The following MAGI1 variants were observed in gnomAD, a reference collection of about 807,000 sequenced individuals.
The protein encoded by MAGI1 is membrane associated guanylate kinase, WW and PDZ domain containing 1.
MAGI1 carries 58 observed loss-of-function variants against 139.9 expected under a neutral mutation model. That is an observed-to-expected ratio of 0.41 (90% confidence interval 0.34 to 0.52). MAGI1 has a LOEUF of 0.52. Ranked by LOEUF, MAGI1 falls within the 20% of genes least tolerant of loss-of-function variation. The probability of loss-of-function intolerance (pLI) is 0.12; values close to 1 mark genes in which losing one functional copy is unlikely to be tolerated. For missense variants in MAGI1, 1,874 were observed against 1,901.6 expected, an observed-to-expected ratio of 0.99 and a Z score of 0.27; for synonymous variants, 812 against 737.9, an observed-to-expected ratio of 1.10 and a Z score of -1.63.
chr3:65,721,563 G>A (rs2033025911), intron 1 of MAGI1, among the ~76,000 whole-genome samples: 1 of 152,182 alleles, frequency 6.6e-6, no homozygotes. Flanking sequence ...TATTTTGGTA[G>A]ACAAAACTTA....
chr3:65,873,749 T>A (rs889716481), intron 1 of MAGI1: 16 of 152,110 alleles, frequency 1.1e-4, no homozygotes, highest in African/African-American at 3.9e-4. Context: ...CAACAAATGG[T>A]GCTGGGAAAA....
At chr3:65,431,227 G>T (rs2107347216) in intron 10 of MAGI1, among the ~76,000 whole-genome samples, 1 of 152,222 alleles carries the variant, frequency 6.6e-6, no homozygotes, top group East Asian at 1.9e-4. Context: ...AATGGAACTG[G>T]TCTGTTTTAT....
chr3:65,834,975 T>A (rs2042730667), intron 1 of MAGI1, among the ~76,000 whole-genome samples: 1 of 152,230 alleles, frequency 6.6e-6, no homozygotes, highest in Non-Finnish European at 1.5e-5. Context: ...CTATATTGTT[T>A]CATTTGAAGT....
At chr3:65,965,816 A>G (rs577717247) in intron 1 of MAGI1, among the ~76,000 whole-genome samples, 9 of 152,220 alleles carry the variant, frequency 5.9e-5, no homozygotes, top group African/African-American at 2.2e-4. Context: ...CACCATGCCC[A>G]GCTAATATTC....
At position 65,926,327 on chromosome 3, in the gene MAGI1, T is replaced by TTCTCTCTCTCTCTCTCTC. The variant is rs377665681; in HGVS notation, c.313+111651_313+111668dup. 1.1e-3 allele frequency among the ~76,000 whole-genome samples: 127 copies of TTCTCTCTCTCTCTCTCTC among 115,638 alleles called. 4 individuals are homozygous for TTCTCTCTCTCTCTCTCTC. The highest frequency in any genetic ancestry group is 7.3e-3 in the East Asian group (25 of 3,426). The allele number at this position is 115,638 out of a possible 152,430, so 75.9% of individuals were successfully genotyped here. A position where few individuals can be genotyped will look rare whatever the true frequency, so the allele number is the denominator to read the frequency against. On this transcript the variant is annotated intron_variant, in intron 1 of 22. Transcript: ENST00000402939. ...GAAGATCCAAGACTGAAGTCTTCTT[T>TTCTCTCTCTCTCTCTCTC]TCTCTCTCTCTCTCTCTCTCTCTCT...
At position 66,038,247 on chromosome 3, in the gene MAGI1, T is replaced by C. The variant is rs769918348; in HGVS notation, c.62A>G (p.Lys21Arg). The change falls in exon 1 of 23, where the codon AAG becomes AGG. Residue 21 changes from lysine (K) to arginine (R), a missense_variant. Coordinates refer to ENST00000402939, the MANE Select transcript of MAGI1 (RefSeq NM_001033057.2). ...WTSRVHECTV[K>R]RGPQGELGVT... ...CCCCAGCTCGCCCTGGGGTCCCCGCTTCACGGTGCATTCGTGAACCCTGCT... is the reference window on the plus strand; with the variant it reads ...CCCCAGCTCGCCCTGGGGTCCCCGCCTCACGGTGCATTCGTGAACCCTGCT... The C allele has an allele frequency of 6.2e-7, 1 of 1,611,190 alleles. No individual in the cohort carries two copies. The highest frequency in any genetic ancestry group is 8.5e-7 in the Non-Finnish European group (1 of 1,179,152).
intron 1 of MAGI1, among the ~76,000 whole-genome samples, chr3:65,785,024 AAAATT>A (rs10612279): frequency 0.45 from 67,649 of 151,468 alleles, 15,338 homozygotes; most frequent in Admixed American, 0.58. Flanking sequence ...GAAATGTTCT[AAAATT>A]AGATTATACT....
At chr3:65,930,857 A>G (rs1045569696) in intron 1 of MAGI1, among the ~76,000 whole-genome samples, 5 of 152,166 alleles carry the variant, frequency 3.3e-5, no homozygotes, top group African/African-American at 1.2e-4. Flanking sequence ...GTTACCGTAT[A>G]TGGTCTAAAA....
At chr3:65,474,965 C>A (rs1406620686) in intron 4 of MAGI1, among the ~76,000 whole-genome samples, 1 of 152,072 alleles carries the variant, frequency 6.6e-6, no homozygotes, top group Non-Finnish European at 1.5e-5. Context: ...AAAGTGCTTG[C>A]CATATAGTCC....
At chr3:65,876,273 G>A (rs149382560) in intron 1 of MAGI1, among the ~76,000 whole-genome samples, 96 of 152,064 alleles carry the variant, frequency 6.3e-4, no homozygotes, top group African/African-American at 2.2e-3. Context: ...AGTGTGCTAC[G>A]ATCACGCCTG....
At chr3:65,627,694 G>C (rs1260190560) in intron 1 of MAGI1, among the ~76,000 whole-genome samples, 1 of 151,376 alleles carries the variant, frequency 6.6e-6, no homozygotes, top group Non-Finnish European at 1.5e-5. Flanking sequence ...TTTTAGTAGA[G>C]ATGGGGTTTC....
intron 1 of MAGI1, among the ~76,000 whole-genome samples, chr3:65,902,171 T>C (rs1352273780): frequency 6.6e-6 from 1 of 152,210 alleles, no homozygotes; most frequent in Admixed American, 6.5e-5. Context: ...GGTATTTTAC[T>C]GCTTTACAAA....
intron 2 of MAGI1, among the ~76,000 whole-genome samples, chr3:65,599,961 T>C (rs958590143): frequency 6.6e-6 from 1 of 152,190 alleles, no homozygotes. Context: ...CCTATTTTGT[T>C]TGAGAGAAAC....
At chr3:65,493,401 T>G in intron 3 of MAGI1, 111 bp downstream of exon 3, 1 of 1,261,340 alleles carries the variant, frequency 7.9e-7, no homozygotes, top group Non-Finnish European at 1.1e-6. Context: ...TGAAATCTCC[T>G]GTTATTTGTT....
intron 13 of MAGI1, among the ~76,000 whole-genome samples, chr3:65,401,044 T>C (rs1250792708): frequency 2.0e-5 from 3 of 152,068 alleles, no homozygotes; most frequent in African/African-American, 7.2e-5. Context: ...GAACACCAGT[T>C]GAGAGCAATG....
intron 1 of MAGI1, among the ~76,000 whole-genome samples, chr3:65,952,358 T>C (rs1004113122): frequency 6.6e-6 from 1 of 152,200 alleles, no homozygotes; most frequent in African/African-American, 2.4e-5. Context: ...TAGAAGGAAG[T>C]GCTTGCACTT....
chr3:65,401,973 G>A (rs541275080), intron 12 of MAGI1: 114 of 855,478 alleles, frequency 1.3e-4, no homozygotes, highest in African/African-American at 9.3e-4. Context: ...TCTGCCTTTC[G>A]GAAGAGGAAA....
intron 2 of MAGI1, among the ~76,000 whole-genome samples, chr3:65,581,312 T>C (rs2081411179): frequency 6.6e-6 from 1 of 151,988 alleles, no homozygotes; most frequent in Non-Finnish European, 1.5e-5. Context: ...CACAGAAATG[T>C]ACATGAATAA....
At chr3:65,584,851 T>G (rs560559878) in intron 2 of MAGI1, among the ~76,000 whole-genome samples, 9 of 152,340 alleles carry the variant, frequency 5.9e-5, no homozygotes, top group African/African-American at 1.7e-4. Flanking sequence ...CCAGTTCATT[T>G]AAATCTTTCT....
Sources: allele counts gnomAD v4.1 joint callset (sites outside exome capture counted in the v4.1 genomes callset), GRCh38; gene constraint gnomAD v4.1.1; transcripts MANE v1.5; gene names NCBI Gene and HGNC (gene_info 2026-07-23, HGNC 2026-07-21).